Variants in CD36 observed in about 807,000 individuals in gnomAD.
The protein encoded by CD36 is platelet glycoprotein 4.
A neutral mutation model predicts 55.2 loss-of-function variants in CD36; 119 were observed. The observed-to-expected ratio is 2.15, with a 90% confidence interval of 1.86 to 2.51. CD36 has a LOEUF of 2.51. Ranked by LOEUF, CD36 falls within the 30% of genes most tolerant of loss-of-function variation. CD36 has a pLI of 0.00. For synonymous variants in CD36, 186 were observed against 193.6 expected, an observed-to-expected ratio of 0.96 and a Z score of 0.33; for missense variants, 819 against 555.5, an observed-to-expected ratio of 1.47 and a Z score of -4.77.
intron 1 of CD36, among the ~76,000 whole-genome samples, chr7:80,639,531 A>G (rs1011839300): frequency 1.3e-5 from 2 of 151,994 alleles, no homozygotes. Context: ...AAAGCCTCAA[A>G]TTAATTATAC....
At chr7:80,649,489 T>C (rs1322992891) in intron 3 of CD36, among the ~76,000 whole-genome samples, 1 of 16,318 alleles carries the variant, frequency 6.1e-5, no homozygotes, top group Non-Finnish European at 2.3e-4. Context: ...TGGTTGAGTA[T>C]ATAGAAAAAA....
chr7:80,671,918 T>G lies in CD36; in HGVS notation c.1007-4T>G. 1.2e-6 allele frequency: 2 copies of G among 1,611,024 alleles called. No individual in the cohort carries two copies. Among genetic ancestry groups the G allele is most frequent in the Non-Finnish European group, 1.7e-6 (2 of 1,177,924 alleles). ...TCCAATTGACTCTTAAAACTTGTCTTCAGGGAGACCTGTGTACATTTCACT... is the reference window on the plus strand; with the variant it reads ...TCCAATTGACTCTTAAAACTTGTCTGCAGGGAGACCTGTGTACATTTCACT... On this transcript the variant is annotated splice_polypyrimidine_tract_variant and splice_region_variant and intron_variant, in intron 10 of 14. Transcript: ENST00000447544.
upstream of CD36, among the ~76,000 whole-genome samples, chr7:80,634,834 G>T (rs547683085): frequency 2.0e-5 from 3 of 151,640 alleles, no homozygotes; most frequent in Non-Finnish European, 2.9e-5. Flanking sequence ...GTGGATAAAG[G>T]CTTTCAAAGC....
chr7:80,640,462 A>C (rs1794728768), intron 1 of CD36, among the ~76,000 whole-genome samples: 1 of 152,006 alleles, frequency 6.6e-6, no homozygotes, highest in South Asian at 2.1e-4. Context: ...TAATACTTGC[A>C]ACCTTATTTG....
intron 11 of CD36, among the ~76,000 whole-genome samples, chr7:80,672,462 A>G (rs1188932846): frequency 6.6e-6 from 1 of 151,854 alleles, no homozygotes; most frequent in Non-Finnish European, 1.5e-5. Flanking sequence ...AACTGAATAT[A>G]TATTTGACCA....
At position 80,672,035 on chromosome 7, in the gene CD36, G is replaced by T. The variant is rs1406028281; in HGVS notation, c.1120G>T (p.Glu374Ter). The change falls in exon 11 of 15, where the codon GAA (glutamate) becomes TAA (stop). Residue 374 changes from glutamate to a stop codon, truncating the protein, a stop_gained. Coordinates refer to ENST00000447544, the MANE Select transcript of CD36 (RefSeq NM_001001548.3). LOFTEE classifies it high-confidence loss of function. ...EEEHRTYLDI[E>*]PITGFTLQFA... The stretch of plus-strand genomic sequence containing the variant: ...AGAACATAGGACATACTTGGATATT[G>T]AACCTGTAAGAAAACACCTTATTGA... 2 of 1,604,524 alleles carry T rather than the reference G, an allele frequency of 1.2e-6. No individual in the cohort carries two copies. Among genetic ancestry groups the T allele is most frequent in the Admixed American group, 1.7e-5 (1 of 59,870 alleles).
chr7:80,630,065 T>G (rs1043853223), intron 1 of CD36, among the ~76,000 whole-genome samples: 2 of 152,070 alleles, frequency 1.3e-5, no homozygotes, highest in African/African-American at 4.8e-5. Context: ...TTCATCTTCA[T>G]TTTTTGAATT....
intron 1 of CD36, among the ~76,000 whole-genome samples, chr7:80,614,666 G>C (rs1430277646): frequency 6.6e-6 from 1 of 151,814 alleles, no homozygotes; most frequent in Non-Finnish European, 1.5e-5. Context: ...CCCCGATTCT[G>C]CCCTTCCTTG....
intron 1 of CD36, among the ~76,000 whole-genome samples, chr7:80,604,487 G>T (rs562482821): frequency 6.7e-6 from 1 of 149,178 alleles, no homozygotes; most frequent in Non-Finnish European, 1.5e-5. Flanking sequence ...GACAAACCAC[G>T]TGGAGAAGTA....
intron 4 of CD36, among the ~76,000 whole-genome samples, chr7:80,660,130 A>G (rs1016164087): frequency 1.3e-5 from 2 of 152,172 alleles, no homozygotes; most frequent in Non-Finnish European, 2.9e-5. Context: ...CAGGCATTCA[A>G]ATATGACAGT....
chr7:80,663,752 T>G (rs1178565896), intron 6 of CD36, among the ~76,000 whole-genome samples: 1 of 152,170 alleles, frequency 6.6e-6, no homozygotes, highest in Non-Finnish European at 1.5e-5. Flanking sequence ...CCGCTTAATG[T>G]TTTGAATTAC....
At chr7:80,652,371 A>G (rs1795695667) in intron 3 of CD36, among the ~76,000 whole-genome samples, 1 of 152,196 alleles carries the variant, frequency 6.6e-6, no homozygotes, top group African/African-American at 2.4e-5. Context: ...GAAACATATT[A>G]AAGCTTACTA....
At chr7:80,643,718 A>G (rs1408624307) in intron 1 of CD36, among the ~76,000 whole-genome samples, 1 of 152,202 alleles carries the variant, frequency 6.6e-6, no homozygotes. Flanking sequence ...CGCTTAAATT[A>G]AAAAATGCTG....
chr7:80,632,097 T>A (rs1794103634), intron 1 of CD36, among the ~76,000 whole-genome samples: 1 of 151,842 alleles, frequency 6.6e-6, no homozygotes, highest in African/African-American at 2.4e-5. Context: ...TTAAGGTTTT[T>A]GAGAACCAAC....
intron 1 of CD36, among the ~76,000 whole-genome samples, chr7:80,607,781 G>GTTT (rs997080724): frequency 1.8e-4 from 28 of 152,108 alleles, no homozygotes; most frequent in Admixed American, 1.7e-3. Context: ...TGTTGTTGTT[G>GTTT]TCATTGTTGA....
chr7:80,611,932 C>G (rs2115782847), intron 1 of CD36, among the ~76,000 whole-genome samples: 1 of 152,268 alleles, frequency 6.6e-6, no homozygotes, highest in Non-Finnish European at 1.5e-5. Context: ...CTCATTTTGT[C>G]TTGACTCATC....
chr7:80,653,193 T>C (rs1022470154), intron 3 of CD36, among the ~76,000 whole-genome samples: 6 of 152,206 alleles, frequency 3.9e-5, no homozygotes, highest in African/African-American at 1.4e-4. Context: ...TAAAAAAATC[T>C]AACTCGTAGA....
intron 1 of CD36, among the ~76,000 whole-genome samples, chr7:80,605,959 G>A (rs1792526078): frequency 6.6e-6 from 1 of 152,104 alleles, no homozygotes; most frequent in African/African-American, 2.4e-5. Flanking sequence ...GGAGCATCTT[G>A]CCGGCATATA....
intron 8 of CD36, among the ~76,000 whole-genome samples, chr7:80,668,995 T>C (rs1797391478): frequency 6.6e-6 from 1 of 152,194 alleles, no homozygotes; most frequent in Admixed American, 6.5e-5. Flanking sequence ...TTTCAAAGCA[T>C]TTGAAGTTCT....
Sources: allele counts gnomAD v4.1 joint callset (sites outside exome capture counted in the v4.1 genomes callset), GRCh38; gene constraint gnomAD v4.1.1; transcripts MANE v1.5; gene names NCBI Gene and HGNC (gene_info 2026-07-23, HGNC 2026-07-21).